ZNF771: variants seen among roughly 807,000 people sequenced by gnomAD.
The protein encoded by ZNF771 is mesenchymal stem cell protein DSC43.
ZNF771 carries 10 observed loss-of-function variants against 27.6 expected under a neutral mutation model. The observed-to-expected ratio is 0.36, with a 90% confidence interval of 0.22 to 0.61. The LOEUF (loss-of-function observed/expected upper bound fraction) is 0.61. Among genes scored for constraint, ZNF771 ranks in the 20% least tolerant of loss-of-function variants. The probability of loss-of-function intolerance (pLI) is 0.70; values close to 1 mark genes in which losing one functional copy is unlikely to be tolerated. For synonymous variants in ZNF771, 261 were observed against 225.2 expected, an observed-to-expected ratio of 1.16 and a Z score of -1.43; for missense variants, 438 against 503.7, an observed-to-expected ratio of 0.87 and a Z score of 1.25.
rs1222109221 is a variant in ZNF771 at position 30,417,719 on chromosome 16, G to T, written c.306G>T (p.Gln102His). The T allele has an allele frequency of 7.2e-7, 1 of 1,391,326 alleles. No individual in the cohort carries two copies. Among genetic ancestry groups the T allele is most frequent in the Admixed American group, 3.4e-5 (1 of 29,064 alleles). 86.2% of individuals were successfully genotyped at this position (1,391,326 alleles called of 1,614,324 possible). ...GCTECGRRFSQKSALTKHGRT... is the reference protein window; with the variant it reads ...GCTECGRRFSHKSALTKHGRT... Reference sequence around the variant, plus strand: ...CCGAGTGCGGGCGGCGCTTCTCACAGAAGTCGGCGCTGACCAAACACGGCC... The same window carrying T: ...CCGAGTGCGGGCGGCGCTTCTCACATAAGTCGGCGCTGACCAAACACGGCC... The change falls in exon 3 of 3, where the codon CAG becomes CAT. Residue 102 changes from glutamine (Q) to histidine (H), a missense_variant. By Grantham distance (24) the Gln-to-His change is conservative. Coordinates refer to ENST00000319296, the MANE Select transcript of ZNF771 (RefSeq NM_001142305.2).
chr16:30,415,377 T>A (rs2151125269), intron 2 of ZNF771, among the ~76,000 whole-genome samples: 1 of 149,386 alleles, frequency 6.7e-6, no homozygotes, highest in South Asian at 2.1e-4. Flanking sequence ...TTTTCTGCTG[T>A]CACCCTTTTT....
chr16:30,407,987 C>CGGGGGGGGG (rs1205134281), intron 1 of ZNF771, 58 bp from the exon 2 acceptor site: 23 of 719,832 alleles, frequency 3.2e-5, no homozygotes, highest in Admixed American at 2.3e-4. Flanking sequence ...CCACGGTGGG[C>CGGGGGGGGG]GGGGGGGGGG....
intron 2 of ZNF771, among the ~76,000 whole-genome samples, chr16:30,410,174 G>C (rs2050096284): frequency 6.6e-6 from 1 of 151,486 alleles, no homozygotes; most frequent in Non-Finnish European, 1.5e-5. Context: ...CGCAATCTTG[G>C]TTCACCGCAC....
rs930464639 is a variant in ZNF771 at position 30,417,871 on chromosome 16, G to C, written c.458G>C (p.Gly153Ala). The C allele has an allele frequency of 6.6e-7, 1 of 1,507,016 alleles. No individual in the cohort carries two copies. Among genetic ancestry groups the C allele is most frequent in the Non-Finnish European group, 8.8e-7 (1 of 1,136,660 alleles). 93.4% of individuals were successfully genotyped at this position (1,507,016 alleles called of 1,614,324 possible). ...AAGCCGTACGCATGCGCGCACTGCG[G>C]CCGCCGCTTCGCGCAGAGCTCCAAC... ...GEKPYACAHC[G>A]RRFAQSSNYA... Residue 153 changes from glycine (G) to alanine (A), a missense_variant, in exon 3 of 3, where the codon GGC becomes GCC. Gly to Ala is a moderately conservative substitution (Grantham distance 60, BLOSUM62 0). Coordinates refer to ENST00000319296, the MANE Select transcript of ZNF771 (RefSeq NM_001142305.2).
chr16:30,412,101 C>T (rs1461969728), intron 2 of ZNF771, among the ~76,000 whole-genome samples: 19 of 152,216 alleles, frequency 1.2e-4, no homozygotes. Flanking sequence ...ATTCTGGCTT[C>T]ATCCCCTCGA....
At chr16:30,412,105 C>T (rs757650451) in intron 2 of ZNF771, among the ~76,000 whole-genome samples, 1 of 152,158 alleles carries the variant, frequency 6.6e-6, no homozygotes, top group Non-Finnish European at 1.5e-5. Flanking sequence ...TGGCTTCATC[C>T]CCTCGACACC....
intron 2 of ZNF771, among the ~76,000 whole-genome samples, chr16:30,411,029 CA>C (rs2050101190): frequency 1.4e-5 from 2 of 144,386 alleles, no homozygotes; most frequent in South Asian, 4.4e-4. Flanking sequence ...TCTCAAAAAA[CA>C]AAAACAGGCC....
intron 1 of ZNF771, 146 bp downstream of exon 1, chr16:30,407,810 T>A: frequency 2.4e-6 from 1 of 414,218 alleles, no homozygotes; most frequent in South Asian, 2.3e-5. Flanking sequence ...TTCGAACTGT[T>A]CAAGGCCTTG....
intron 2 of ZNF771, among the ~76,000 whole-genome samples, chr16:30,409,920 T>G (rs2050095181): frequency 6.6e-6 from 1 of 152,166 alleles, no homozygotes; most frequent in African/African-American, 2.4e-5. Flanking sequence ...AGTTTCCTCA[T>G]TTGTAAAAGG....
At chr16:30,408,001 G>T in intron 1 of ZNF771, 44 bp from the exon 2 acceptor site, 5 of 796,692 alleles carry the variant, frequency 6.3e-6, no homozygotes, top group Middle Eastern at 4.4e-4. Flanking sequence ...GGGGGGGGTG[G>T]GGGGGGGCGG....
chr16:30,415,641 A>G (rs2050130317), intron 2 of ZNF771, among the ~76,000 whole-genome samples: 1 of 152,136 alleles, frequency 6.6e-6, no homozygotes. Context: ...TCGGCCTCCC[A>G]AAGTGCTGGT....
intron 1 of ZNF771, 37 bp from the exon 2 acceptor site, chr16:30,408,008 G>GGGGGGGGGGGGGGGGGGC: frequency 1.3e-6 from 1 of 770,144 alleles, no homozygotes. Context: ...GTGGGGGGGG[G>GGGGGGGGGGGGGGGGGGC]CGGGTCCTGA....
Position 30,408,135 on chromosome 16 carries a change from G to A in ZNF771, c.82G>A (p.Asp28Asn). The A allele has an allele frequency of 6.2e-7, 1 of 1,612,452 alleles. No homozygotes were observed. ...EMVLLVKGEEDEGEEKYEVVK... is the reference protein window; with the variant it reads ...EMVLLVKGEENEGEEKYEVVK... ...GGTGCTGCTGGTGAAGGGTGAGGAG[G>A]ATGAGGGTGAGGAGAAGTATGAGGT... is the stretch of plus-strand genomic sequence containing the variant. The change falls in exon 2 of 3, where the codon GAT becomes AAT. Residue 28 changes from aspartate (D) to asparagine (N), a missense_variant. Transcript: ENST00000319296.
Position 30,418,270 on chromosome 16 carries a change from T to G in ZNF771, c.857T>G (p.Leu286Arg). The change falls in exon 3 of 3, where the codon CTG becomes CGG. Residue 286 changes from leucine to arginine, a missense_variant. Physicochemically the swap from Leu to Arg is moderately radical, Grantham distance 102. Around this residue, in one of 3 missense-constraint regions of ZNF771, gnomAD observed 305 missense variants for 308.0 expected, o/e 0.99. Transcript: ENST00000319296. ...RHRRAHMRRR[L>R]YICAGCGRDF... ...CGACGCGCGCACATGCGGCGCCGCC[T>G]GTATATTTGCGCCGGCTGCGGCAGG... 6.6e-7 allele frequency: 1 copy of G among 1,510,692 alleles called. No individual in the cohort carries two copies. The highest frequency in any genetic ancestry group is 2.7e-5 in the East Asian group (1 of 37,464). 93.6% of individuals were successfully genotyped at this position (1,510,692 alleles called of 1,614,324 possible).
intron 1 of ZNF771, 59 bp from the exon 2 acceptor site, chr16:30,407,986 G>C: frequency 1.9e-6 from 2 of 1,061,640 alleles, no homozygotes; most frequent in South Asian, 1.6e-5. Flanking sequence ...GCCACGGTGG[G>C]CGGGGGGGGG....
rs2050148100 is a variant in ZNF771 at position 30,418,185 on chromosome 16, C to T, written c.772C>T (p.Pro258Ser). Residue 258 changes from proline (P) to serine (S), a missense_variant, in exon 3 of 3, where the codon CCC becomes TCC. Around this residue, in one of 3 missense-constraint regions of ZNF771, gnomAD observed 305 missense variants for 308.0 expected, o/e 0.99. Coordinates refer to ENST00000319296, the MANE Select transcript of ZNF771 (RefSeq NM_001142305.2). ...CGCGCGCACGCACACAGGCGAGCGG[C>T]CCTACCCCTGCGCCGAGTGCGGCCG... ...EHARTHTGER[P>S]YPCAECGRRF... The T allele has an allele frequency of 1.3e-6, 2 of 1,502,476 alleles. No individual in the cohort carries two copies. Among genetic ancestry groups the T allele is most frequent in the South Asian group, 1.2e-5 (1 of 80,018 alleles). The allele number at this position is 1,502,476 out of a possible 1,614,324, so 93.1% of individuals were successfully genotyped here.
At chr16:30,416,351 C>T (rs1009385038) in intron 2 of ZNF771, among the ~76,000 whole-genome samples, 3 of 152,126 alleles carry the variant, frequency 2.0e-5, no homozygotes, top group Non-Finnish European at 4.4e-5. Context: ...GTCAAGAAGC[C>T]GTGACACCAT....
intron 2 of ZNF771, among the ~76,000 whole-genome samples, chr16:30,410,915 T>C (rs2050100672): frequency 6.7e-6 from 1 of 149,600 alleles, no homozygotes; most frequent in African/African-American, 2.5e-5. Context: ...GGCATGCCTG[T>C]AGTCCTAGCT....
rs1368189844 is a variant in ZNF771 at position 30,418,455 on chromosome 16, G to T, written c.*88G>T. On this transcript the variant is annotated 3_prime_UTR_variant, in exon 3 of 3. Coordinates refer to ENST00000319296, the MANE Select transcript of ZNF771 (RefSeq NM_001142305.2). ...TCCTCGCCCCGGCCTCCGGGTCTGG[G>T]AAATTGAGGGGACGGCAGGCCCGGC... is the stretch of plus-strand genomic sequence containing the variant. 25 of 1,278,202 alleles carry T rather than the reference G, an allele frequency of 2.0e-5. No individual in the cohort carries two copies. The highest frequency in any genetic ancestry group is 3.8e-5 in the Admixed American group (1 of 26,228). The allele number at this position is 1,278,202 out of a possible 1,614,324, so 79.2% of individuals were successfully genotyped here. A position where few individuals can be genotyped will look rare whatever the true frequency, so the allele number is the denominator to read the frequency against.
Sources: allele counts gnomAD v4.1 joint callset (sites outside exome capture counted in the v4.1 genomes callset), GRCh38; gene constraint gnomAD v4.1.1; regional missense constraint gnomAD v4.1.1; transcripts MANE v1.5; gene names NCBI Gene and HGNC (gene_info 2026-07-23, HGNC 2026-07-21).